The following TENM2 variants were observed in gnomAD, a reference collection of about 807,000 sequenced individuals.
TENM2 encodes teneurin transmembrane protein 2, also known as teneurin-2.
In TENM2, 52 loss-of-function variants were observed where a neutral mutation model predicts 245.2. The ratio of observed to expected loss-of-function variants is 0.21; its 90% CI spans 0.17 to 0.27. TENM2 has a LOEUF of 0.27. TENM2 is among the 10% of genes least tolerant of loss of function. The probability of loss-of-function intolerance (pLI) is 1.00; values close to 1 mark genes in which losing one functional copy is unlikely to be tolerated. For missense variants in TENM2, 3,046 were observed against 3,666.8 expected, an observed-to-expected ratio of 0.83 and a Z score of 4.37; for synonymous variants, 1,363 against 1,438.9, an observed-to-expected ratio of 0.95 and a Z score of 1.19.
Position 167,926,718 on chromosome 5 carries a change from CCACACACACA to C in TENM2, c.713-25833_713-25824del, listed in dbSNP as rs750351497. On this transcript the variant is annotated intron_variant, in intron 3 of 28. Transcript: ENST00000518659. ...GCCTGGGTGACAGAGTGAGATTCCACCACACACACACACACACACACACACACACACACAC... is the reference window on the plus strand; with the variant it reads ...GCCTGGGTGACAGAGTGAGATTCCACCACACACACACACACACACACACAC... Among the ~76,000 whole-genome samples the C allele has an allele frequency of 7.6e-3, 1,045 of 136,806 alleles. 21 individuals carry two copies. Among genetic ancestry groups the C allele is most frequent in the African/African-American group, 0.024 (897 of 37,400 alleles). 89.8% of individuals were successfully genotyped at this position (136,806 alleles called of 152,430 possible).
chr5:167,770,369 A>T (rs1037646383), intron 2 of TENM2, among the ~76,000 whole-genome samples: 4 of 152,174 alleles, frequency 2.6e-5, no homozygotes, highest in East Asian at 1.9e-4. Flanking sequence ...GAAGTTACGG[A>T]TGGCTGCAGC....
intron 3 of TENM2, among the ~76,000 whole-genome samples, chr5:167,906,343 C>T (rs1776084622): frequency 6.6e-6 from 1 of 152,132 alleles, no homozygotes; most frequent in Admixed American, 6.5e-5. Flanking sequence ...AATCAGTGAA[C>T]ATTTCAAAGA....
At chr5:167,036,322 A>T in the TENM2 span, among the ~76,000 whole-genome samples, 1 of 152,142 alleles carries the variant, frequency 6.6e-6, no homozygotes, top group Non-Finnish European at 1.5e-5. Flanking sequence ...TTGGAAAGAG[A>T]TGAAGCTCAA....
the TENM2 span, among the ~76,000 whole-genome samples, chr5:167,075,422 G>T: frequency 1.3e-5 from 2 of 152,206 alleles, no homozygotes; most frequent in African/African-American, 4.8e-5. Context: ...GGTGCAAGGT[G>T]ATTGGGAAAG....
At position 167,503,710 on chromosome 5, in the gene TENM2, A is replaced by G. The variant is rs562211948; in HGVS notation, c.502+128237A>G. 2.0e-5 allele frequency among the ~76,000 whole-genome samples: 3 copies of G among 152,168 alleles called. No homozygotes were observed. In the East Asian group the frequency reaches 5.8e-4, roughly 29 times the overall value. ...GGAGTTCCAGACCAGTCTGGGTAAC[A>G]CGGCAGAAACCCATTTCTACAAAAA... On this transcript the variant is annotated intron_variant, in intron 2 of 28. Transcript: ENST00000518659.
intron 2 of TENM2, among the ~76,000 whole-genome samples, chr5:167,700,857 C>A (rs909660333): frequency 2.0e-5 from 3 of 149,686 alleles, no homozygotes; most frequent in African/African-American, 4.9e-5. Flanking sequence ...TACCATTATC[C>A]TTCCTTTTAG....
chr5:167,640,741 C>G (rs1779500099), intron 2 of TENM2, among the ~76,000 whole-genome samples: 1 of 149,060 alleles, frequency 6.7e-6, no homozygotes, highest in Non-Finnish European at 1.5e-5. Context: ...GTTACGTACA[C>G]TTTTAAATAG....
At chr5:167,929,090 AAAG>A (rs1480549668) in intron 3 of TENM2, among the ~76,000 whole-genome samples, 3 of 138,636 alleles carry the variant, frequency 2.2e-5, no homozygotes, top group South Asian at 2.5e-4. Flanking sequence ...AGAAAGAAAG[AAAG>A]AAAGAAAGAA....
At chr5:167,776,624 A>AAAAAAAAAC (rs1561769493) in intron 2 of TENM2, among the ~76,000 whole-genome samples, 12 of 61,256 alleles carry the variant, frequency 2.0e-4, no homozygotes, top group African/African-American at 8.8e-4. Context: ...AAAAAAAAAA[A>AAAAAAAAAC]AACCATATAT....
chr5:167,098,510 C>T, the TENM2 span, among the ~76,000 whole-genome samples: 42 of 152,146 alleles, frequency 2.8e-4, no homozygotes, highest in African/African-American at 9.9e-4. Context: ...GATGCTTCCC[C>T]ATTCTTGCCC....
intron 7 of TENM2, among the ~76,000 whole-genome samples, chr5:168,063,320 T>C (rs1790208071): frequency 6.6e-6 from 1 of 152,186 alleles, no homozygotes; most frequent in Non-Finnish European, 1.5e-5. Flanking sequence ...CATTATGGAT[T>C]TCATTATTTT....
chr5:167,834,479 A>G (rs1440885832), intron 2 of TENM2, among the ~76,000 whole-genome samples: 2 of 152,154 alleles, frequency 1.3e-5, no homozygotes, highest in East Asian at 1.9e-4. Flanking sequence ...ATTGGGATCC[A>G]TTGTGTATTT....
At chr5:167,702,828 G>A (rs1478912532) in intron 2 of TENM2, among the ~76,000 whole-genome samples, 2 of 151,450 alleles carry the variant, frequency 1.3e-5, no homozygotes, top group Non-Finnish European at 2.9e-5. Context: ...CCATGCCCAG[G>A]TAATTTTTGT....
intron 7 of TENM2, among the ~76,000 whole-genome samples, chr5:168,066,586 G>A (rs556121624): frequency 6.6e-6 from 1 of 152,276 alleles, no homozygotes; most frequent in South Asian, 2.1e-4. Flanking sequence ...TTGCATAAAT[G>A]TAATATTATT....
intron 2 of TENM2, among the ~76,000 whole-genome samples, chr5:167,632,702 G>A (rs1778954772): frequency 6.8e-6 from 1 of 147,688 alleles, no homozygotes; most frequent in Non-Finnish European, 1.5e-5. Flanking sequence ...CATGGAACAT[G>A]TGTGTGTGTG....
At position 167,533,947 on chromosome 5, in the gene TENM2, G is replaced by C. The variant is rs140888854; in HGVS notation, c.502+158474G>C. Reference sequence around the variant, plus strand: ...CTGTCACTTGTTAGACTTGTGGTTTGTAGACAAGCTATTGAACCTCTCAGA... The same window carrying C: ...CTGTCACTTGTTAGACTTGTGGTTTCTAGACAAGCTATTGAACCTCTCAGA... On this transcript the variant is annotated intron_variant, in intron 2 of 28. Coordinates refer to ENST00000518659, the Ensembl canonical transcript of TENM2. Among the ~76,000 whole-genome samples, 340 of 152,250 alleles carry C rather than the reference G, an allele frequency of 2.2e-3. 1 individual carries two copies. The highest frequency in any genetic ancestry group is 4.1e-3 in the Non-Finnish European group (276 of 68,008).
rs2152609101 is a variant in TENM2 at position 168,228,150 on chromosome 5, C to T, written c.5520+20C>T. 1 of 1,585,988 alleles carries T rather than the reference C, an allele frequency of 6.3e-7. No homozygotes were observed. The highest frequency in any genetic ancestry group is 2.2e-5 in the East Asian group (1 of 44,714). On this transcript the variant is annotated intron_variant, in intron 25 of 28. Coordinates refer to ENST00000518659, the Ensembl canonical transcript of TENM2. ...CTCCGGGTAAGTGGTTCCACCCAATCTGTTACCACAGAGTGGGAGGGGATA... is the reference window on the plus strand; with the variant it reads ...CTCCGGGTAAGTGGTTCCACCCAATTTGTTACCACAGAGTGGGAGGGGATA...
At chr5:168,029,606 G>A (rs967354447) in intron 5 of TENM2, among the ~76,000 whole-genome samples, 1 of 152,180 alleles carries the variant, frequency 6.6e-6, no homozygotes. Context: ...CTGCCAAACT[G>A]TGCACCTGCT....
At chr5:168,081,620 G>T (rs1490879708) in intron 7 of TENM2, among the ~76,000 whole-genome samples, 2 of 152,146 alleles carry the variant, frequency 1.3e-5, no homozygotes, top group Non-Finnish European at 2.9e-5. Flanking sequence ...TTGTAAGGCA[G>T]GCCTGGTGGT....
Sources: allele counts gnomAD v4.1 joint callset (sites outside exome capture counted in the v4.1 genomes callset), GRCh38; gene constraint gnomAD v4.1.1; transcripts MANE v1.5; gene names NCBI Gene and HGNC (gene_info 2026-07-23, HGNC 2026-07-21).